The following NCALD variants were observed in gnomAD, a reference collection of about 807,000 sequenced individuals.
The protein encoded by NCALD is neurocalcin-delta.
NCALD carries 10 observed loss-of-function variants against 18.6 expected under a neutral mutation model. The observed-to-expected ratio is 0.54, with a 90% CI of 0.33 to 0.91. The LOEUF is 0.91. Among genes scored for constraint, NCALD ranks in the 40% least tolerant of loss-of-function variants. NCALD has a pLI of 0.03. For synonymous variants in NCALD, 88 were observed against 87.4 expected, an observed-to-expected ratio of 1.01 and a Z score of -0.04; for missense variants, 184 against 247.6, an observed-to-expected ratio of 0.74 and a Z score of 1.72.
chr8:101,872,573 A>G (rs761985539), intron 4 of NCALD: 12 of 601,344 alleles, frequency 2.0e-5, no homozygotes, highest in Non-Finnish European at 3.0e-5. Context: ...GCTCAAGCCA[A>G]TCGTGCTGGG....
At chr8:101,898,341 C>A (rs112761365) in intron 3 of NCALD, among the ~76,000 whole-genome samples, 1 of 152,138 alleles carries the variant, frequency 6.6e-6, no homozygotes, top group African/African-American at 2.4e-5. Flanking sequence ...ATATCATTTA[C>A]AATAAGATAT....
chr8:101,839,403 A>G (rs563694351), intron 4 of NCALD, among the ~76,000 whole-genome samples: 1 of 152,246 alleles, frequency 6.6e-6, no homozygotes, highest in South Asian at 2.1e-4. Flanking sequence ...GGTTGATGTC[A>G]TACTCCTTAA....
In NCALD at chr8:101,814,773, G is replaced by A. The variant is rs1813432190; in HGVS notation, c.-20+72368C>T. 3.3e-5 allele frequency among the ~76,000 whole-genome samples: 5 copies of A among 152,030 alleles called. No homozygotes were observed. The South Asian group carries it at 1.0e-3, about 32-fold the overall frequency. On this transcript the variant is annotated intron_variant, in intron 4 of 6. Transcript: ENST00000311028. Reference sequence around the variant, plus strand: ...TTATAGCAAGGTTGCAGGATACAAAGTTAATTACTTTTTTATATACCACCA... The same window carrying A: ...TTATAGCAAGGTTGCAGGATACAAAATTAATTACTTTTTTATATACCACCA...
At chr8:101,827,287 C>T (rs892381522) in intron 4 of NCALD, among the ~76,000 whole-genome samples, 7 of 152,126 alleles carry the variant, frequency 4.6e-5, no homozygotes, top group African/African-American at 1.7e-4. Flanking sequence ...GTATTTTGGG[C>T]CCACCCACAT....
chr8:101,772,011 A>G (rs1018408108), intron 1 of NCALD, among the ~76,000 whole-genome samples: 2 of 152,136 alleles, frequency 1.3e-5, no homozygotes, highest in African/African-American at 4.8e-5. Context: ...TTGTGCCTCT[A>G]CCTGAGTGGT....
At chr8:101,710,886 G>T (rs909871935) in intron 2 of NCALD, among the ~76,000 whole-genome samples, 1 of 152,190 alleles carries the variant, frequency 6.6e-6, no homozygotes, top group African/African-American at 2.4e-5. Context: ...AGAGAGCAGC[G>T]ATCTCCCAGC....
At chr8:102,087,247 A>G (rs1238032300) in intron 1 of NCALD, among the ~76,000 whole-genome samples, 2 of 152,100 alleles carry the variant, frequency 1.3e-5, no homozygotes, top group East Asian at 3.9e-4. Flanking sequence ...CTGGCAAACC[A>G]TGGAAGGGAC....
intron 1 of NCALD, among the ~76,000 whole-genome samples, chr8:102,050,002 A>C (rs1436173462): frequency 1.3e-5 from 2 of 149,326 alleles, no homozygotes; most frequent in African/African-American, 4.9e-5. Flanking sequence ...CTCTACTAAA[A>C]ATACAAAAAA....
At chr8:101,998,592 C>G (rs1480450677) in intron 2 of NCALD, among the ~76,000 whole-genome samples, 1 of 152,134 alleles carries the variant, frequency 6.6e-6, no homozygotes, top group Non-Finnish European at 1.5e-5. Flanking sequence ...TGCTCAGTGG[C>G]CCTTCCATCA....
At chr8:101,925,406 C>G (rs1818301482) in intron 2 of NCALD, among the ~76,000 whole-genome samples, 1 of 151,722 alleles carries the variant, frequency 6.6e-6, no homozygotes, top group Non-Finnish European at 1.5e-5. Context: ...TTATGGCAGA[C>G]AAGTAAAAAT....
At chr8:101,980,643 G>A (rs570101727) in intron 2 of NCALD, among the ~76,000 whole-genome samples, 19 of 152,242 alleles carry the variant, frequency 1.2e-4, no homozygotes, top group South Asian at 1.0e-3. Context: ...TTTGGAAGAC[G>A]GTTTTACATT....
At chr8:101,858,909 A>G (rs1815428134) in intron 4 of NCALD, among the ~76,000 whole-genome samples, 1 of 152,224 alleles carries the variant, frequency 6.6e-6, no homozygotes, top group African/African-American at 2.4e-5. Flanking sequence ...ATGAACTTGG[A>G]AGAAACAAAA....
chr8:101,901,702 G>T (rs1817430133), intron 3 of NCALD, among the ~76,000 whole-genome samples: 1 of 151,844 alleles, frequency 6.6e-6, no homozygotes, highest in South Asian at 2.1e-4. Context: ...GTTATTTTTT[G>T]CTTTAACCAT....
intron 4 of NCALD, among the ~76,000 whole-genome samples, chr8:101,848,682 T>C (rs1586627007): frequency 1.3e-5 from 2 of 152,188 alleles, no homozygotes; most frequent in Admixed American, 6.5e-5. Flanking sequence ...CTGTTTTCCA[T>C]TTAAAGGATA....
At chr8:102,107,298 C>T (rs748108998) in intron 1 of NCALD, among the ~76,000 whole-genome samples, 18 of 143,248 alleles carry the variant, frequency 1.3e-4, no homozygotes, top group Non-Finnish European at 2.4e-4. Context: ...AAGAGGCACA[C>T]GAGAGTCCTA....
At chr8:101,971,010 G>C (rs976112936) in intron 2 of NCALD, among the ~76,000 whole-genome samples, 1 of 152,114 alleles carries the variant, frequency 6.6e-6, no homozygotes, top group Non-Finnish European at 1.5e-5. Context: ...CCCTCCCTGT[G>C]TTTGCCTCCT....
chr8:101,941,685 T>C (rs1216788184), intron 2 of NCALD, among the ~76,000 whole-genome samples: 3 of 152,204 alleles, frequency 2.0e-5, no homozygotes, highest in Non-Finnish European at 4.4e-5. Context: ...TTGTCATATG[T>C]AGGCACCTGC....
intron 2 of NCALD, among the ~76,000 whole-genome samples, chr8:101,935,238 CAG>C (rs1360717376): frequency 6.6e-6 from 1 of 151,914 alleles, no homozygotes; most frequent in African/African-American, 2.4e-5. Flanking sequence ...AAGTAGGAGA[CAG>C]GGGAATAGGT....
intron 1 of NCALD, among the ~76,000 whole-genome samples, chr8:101,760,577 A>G (rs947953987): frequency 6.6e-6 from 1 of 152,224 alleles, no homozygotes; most frequent in Non-Finnish European, 1.5e-5. Flanking sequence ...TAGATGAAGA[A>G]AAGCCAGCGT....
Sources: allele counts gnomAD v4.1 joint callset (sites outside exome capture counted in the v4.1 genomes callset), GRCh38; gene constraint gnomAD v4.1.1; transcripts MANE v1.5; gene names NCBI Gene and HGNC (gene_info 2026-07-23, HGNC 2026-07-21).